Variants in DNM1 observed in about 807,000 individuals in gnomAD.
DNM1 encodes dynamin 1, also known as dynamin-1.
In DNM1, 29 loss-of-function variants were observed where a neutral mutation model predicts 104.6. The observed-to-expected ratio is 0.28, with a 90% CI of 0.21 to 0.38. The LOEUF (loss-of-function observed/expected upper bound fraction) is 0.38. Ranked by LOEUF, DNM1 falls within the 10% of genes least tolerant of loss-of-function variation. DNM1 has a pLI of 1.00. For synonymous variants in DNM1, 445 were observed against 475.8 expected (o/e 0.94, Z 0.84); for missense variants, 640 against 1,189.4 (o/e 0.54, Z 6.79).
intron 13 of DNM1, 60 bp from the exon 14 acceptor site, chr9:128,239,925 G>T: frequency 6.2e-7 from 1 of 1,609,968 alleles, no homozygotes; most frequent in Non-Finnish European, 8.5e-7. Flanking sequence ...CTCTGCCTCA[G>T]TAACCCTCTC....
chr9:128,242,982 G>A (rs1273071804), intron 15 of DNM1, among the ~76,000 whole-genome samples: 4 of 152,130 alleles, frequency 2.6e-5, no homozygotes, highest in African/African-American at 4.8e-5. Context: ...GCTGCAGGGC[G>A]TGCCGCCTCC....
rs753258177 is a variant in DNM1, at chr9:128,220,360, A to G, written c.849+19A>G. 6.2e-7 allele frequency: 1 copy of G among 1,611,748 alleles called. No individual in the cohort carries two copies. Among genetic ancestry groups the G allele is most frequent in the East Asian group, 2.2e-5 (1 of 44,868 alleles). On this transcript the variant is annotated intron_variant, in intron 6 of 21. Coordinates refer to ENST00000372923, the MANE Select transcript of DNM1 (RefSeq NM_004408.4). The surrounding 1 kb of genome is among the most constrained non-coding windows in gnomAD (Gnocchi z 5.2). ...CAATCAGGTAGGCGACCAAGCCAGG[A>G]TGGGGCCTGGGGAAACAAGCATGAA...
In DNM1 at chr9:128,250,761, C is replaced by T. The variant is rs1365585595; in HGVS notation, c.2355C>T (p.Ala785=). ...PTSSPTPQRR[A]PAVPPARPGS... ...CCAGCCCCACGCCGCAGCGCCGAGC[C>T]CCCGCCGTGCCCCCAGCCCGGCCCG... Residue 785 remains alanine, a synonymous_variant, in exon 21 of 22, where the codon GCC becomes GCT. Coordinates refer to ENST00000372923, the MANE Select transcript of DNM1 (RefSeq NM_004408.4). 7.0e-7 allele frequency: 1 copy of T among 1,418,758 alleles called. No homozygotes were observed. Among genetic ancestry groups the T allele is most frequent in the Non-Finnish European group, 9.2e-7 (1 of 1,091,506 alleles). 87.9% of individuals were successfully genotyped at this position (1,418,758 alleles called of 1,614,324 possible). A position where few individuals can be genotyped will look rare whatever the true frequency, so the allele number is the denominator to read the frequency against.
chr9:128,235,360 G>C (rs763217968), intron 11 of DNM1, among the ~76,000 whole-genome samples: 2 of 152,062 alleles, frequency 1.3e-5, no homozygotes, highest in African/African-American at 4.8e-5. Flanking sequence ...CGGACTTGGT[G>C]GTGGGCGCCT....
At chr9:128,236,743 A>G (rs916363738) in intron 11 of DNM1, among the ~76,000 whole-genome samples, 1 of 152,092 alleles carries the variant, frequency 6.6e-6, no homozygotes, top group Non-Finnish European at 1.5e-5. Context: ...TCCTAGCTAC[A>G]TGGGAGGCTG....
chr9:128,233,582 C>T (rs1477775415), intron 10 of DNM1: 1 of 168,974 alleles, frequency 5.9e-6, no homozygotes, highest in African/African-American at 2.4e-5. Flanking sequence ...AGAGGCTGTC[C>T]CCTGCCTGAT....
At position 128,247,689 on chromosome 9, in the gene DNM1, GTC is replaced by G. The variant is rs1489186600; in HGVS notation, c.1893+207_1893+208del. 6.6e-6 allele frequency among the ~76,000 whole-genome samples: 1 copy of G among 152,180 alleles called. No individual in the cohort carries two copies. The highest frequency in any genetic ancestry group is 1.5e-5 in the Non-Finnish European group (1 of 68,028). On this transcript the variant is annotated intron_variant, in intron 17 of 21. Transcript: ENST00000372923. This position sits in a 1 kb window ranked among gnomAD's most constrained non-coding sequence, Gnocchi z 5.1. Reference sequence around the variant, plus strand: ...CATCCTTCTCCAGTGGCAGTTTTGTGTCTCTGTCTCTGTTGCAGATGGCATTT... The same window carrying G: ...CATCCTTCTCCAGTGGCAGTTTTGTGTCTGTCTCTGTTGCAGATGGCATTT...
intron 1 of DNM1, among the ~76,000 whole-genome samples, chr9:128,207,794 G>A (rs1224516401): frequency 6.6e-6 from 1 of 152,158 alleles, no homozygotes; most frequent in African/African-American, 2.4e-5. Flanking sequence ...TGGAGGACGC[G>A]CTGCTTCTAT....
chr9:128,236,536 C>T (rs1238690937), intron 11 of DNM1, among the ~76,000 whole-genome samples: 2 of 152,232 alleles, frequency 1.3e-5, no homozygotes, highest in East Asian at 3.9e-4. Context: ...ACCCCTAGTT[C>T]TTCCTGAAAA....
intron 10 of DNM1, among the ~76,000 whole-genome samples, chr9:128,230,429 A>C (rs1835612305): frequency 1.4e-5 from 2 of 147,894 alleles, no homozygotes; most frequent in Non-Finnish European, 3.0e-5. Context: ...TTATTTATTT[A>C]TTTCTTTATT....
rs1225449844 is a variant in DNM1 at position 128,248,688 on chromosome 9, G to A, written c.2011G>A (p.Ala671Thr). The change falls in exon 19 of 22, where the codon GCC (alanine) becomes ACC (threonine). Residue 671 changes from alanine to threonine, a missense_variant. Coordinates refer to ENST00000372923, the MANE Select transcript of DNM1 (RefSeq NM_004408.4). This position sits in a 1 kb window ranked among gnomAD's most constrained non-coding sequence, Gnocchi z 5.6. The stretch of plus-strand genomic sequence containing the variant: ...CCGGAATCTTGTGGACTCATACATG[G>A]CCATTGTCAACAAGACCGTGAGGGA... ...TIRNLVDSYM[A>T]IVNKTVRDLM... 1.2e-6 allele frequency: 2 copies of A among 1,613,970 alleles called. No homozygotes were observed. The highest frequency in any genetic ancestry group is 1.7e-6 in the Non-Finnish European group (2 of 1,179,864).
In DNM1 at chr9:128,224,116, A is replaced by T; in HGVS notation, c.1197-135A>T. 1.8e-6 allele frequency: 2 copies of T among 1,114,950 alleles called. No homozygotes were observed. Among genetic ancestry groups the T allele is most frequent in the South Asian group, 1.9e-5 (1 of 53,746 alleles). 69.1% of individuals were successfully genotyped at this position (1,114,950 alleles called of 1,614,324 possible). A position where few individuals can be genotyped will look rare whatever the true frequency, so the allele number is the denominator to read the frequency against. ...CCTCCCTCCCATTTTACAACTGGGG[A>T]CACTGAGGCCCAGAGAGGGGTAGTG... On this transcript the variant is annotated intron_variant, in intron 9 of 21. Transcript: ENST00000372923. This position sits in a 1 kb window ranked among gnomAD's most constrained non-coding sequence, Gnocchi z 4.3.
In DNM1 at chr9:128,230,149, G is replaced by A. The variant is rs189395745; in HGVS notation, c.1336-3872G>A. Among the ~76,000 whole-genome samples the A allele has an allele frequency of 3.0e-3, 445 of 148,334 alleles. 2 individuals carry two copies. The highest frequency in any genetic ancestry group is 0.011 in the African/African-American group (425 of 40,270). ...AGAGAATTGCTTGAACCCAGGAGGC[G>A]GAGGTTGCAGTTAGCCAAGATTGAG... is the stretch of plus-strand genomic sequence containing the variant. On this transcript the variant is annotated intron_variant, in intron 10 of 21. Coordinates refer to ENST00000372923, the MANE Select transcript of DNM1 (RefSeq NM_004408.4).
In DNM1 at chr9:128,248,272, C is replaced by A; in HGVS notation, c.1906-311C>A. 2.0e-6 allele frequency: 1 copy of A among 496,912 alleles called. No individual in the cohort carries two copies. The highest frequency in any genetic ancestry group is 3.6e-6 in the Non-Finnish European group (1 of 276,080). The allele number at this position is 496,912 out of a possible 1,614,324, so 30.8% of individuals were successfully genotyped here. A position where few individuals can be genotyped will look rare whatever the true frequency, so the allele number is the denominator to read the frequency against. On this transcript the variant is annotated intron_variant, in intron 18 of 21. Coordinates refer to ENST00000372923, the MANE Select transcript of DNM1 (RefSeq NM_004408.4). The surrounding 1 kb of genome is among the most constrained non-coding windows in gnomAD (Gnocchi z 5.6). ...AACCCAGGAGGAGGTTGCAATGAGC[C>A]AATACAGCACCACTGCACTCCAGCC...
In DNM1 at chr9:128,218,470, G is replaced by T; in HGVS notation, c.236-112G>T. On this transcript the variant is annotated intron_variant, in intron 2 of 21. Coordinates refer to ENST00000372923, the MANE Select transcript of DNM1 (RefSeq NM_004408.4). This position sits in a 1 kb window ranked among gnomAD's most constrained non-coding sequence, Gnocchi z 4.8. ...ATACATAATGGAGACGTGGGTGGTG[G>T]TTCTGCTTGGGTGTGTCTAGGGGGT... is the stretch of plus-strand genomic sequence containing the variant. 7.0e-7 allele frequency: 1 copy of T among 1,428,886 alleles called. No individual in the cohort carries two copies. The allele number at this position is 1,428,886 out of a possible 1,614,324, so 88.5% of individuals were successfully genotyped here. A position where few individuals can be genotyped will look rare whatever the true frequency, so the allele number is the denominator to read the frequency against.
chr9:128,223,195 C>T (rs1450390546), intron 9 of DNM1: 4 of 329,640 alleles, frequency 1.2e-5, no homozygotes, highest in South Asian at 6.6e-5. Context: ...CAAACCACTA[C>T]GAGGGCCTGG....
chr9:128,255,015 C>G lies in DNM1; in HGVS notation c.*301C>G. On this transcript the variant is annotated 3_prime_UTR_variant, in exon 22 of 22. Transcript: ENST00000372923. ...AGTCACTGTGCTATCCTTGTGGAGT[C>G]TTGTGGCCCAACTACCAGAGAACGC... 3.9e-6 allele frequency: 1 copy of G among 258,074 alleles called. No homozygotes were observed. Among genetic ancestry groups the G allele is most frequent in the Non-Finnish European group, 7.3e-6 (1 of 136,730 alleles). The allele number at this position is 258,074 out of a possible 1,614,324, so 16.0% of individuals were successfully genotyped here. A position where few individuals can be genotyped will look rare whatever the true frequency, so the allele number is the denominator to read the frequency against.
intron 11 of DNM1, among the ~76,000 whole-genome samples, chr9:128,235,467 C>G (rs550400253): frequency 1.3e-4 from 20 of 151,412 alleles, no homozygotes; most frequent in African/African-American, 4.6e-4. Flanking sequence ...GCACTCCAGC[C>G]TGGGCAACAG....
chr9:128,217,266 T>C (rs1834667455), intron 1 of DNM1, among the ~76,000 whole-genome samples: 2 of 152,194 alleles, frequency 1.3e-5, no homozygotes, highest in Admixed American at 1.3e-4. Context: ...CTCTGCCAGA[T>C]ACTGGCTGTG....
Sources: allele counts gnomAD v4.1 joint callset (sites outside exome capture counted in the v4.1 genomes callset), GRCh38; gene constraint gnomAD v4.1.1; non-coding constraint Gnocchi (gnomAD v3.1); transcripts MANE v1.5; gene names NCBI Gene and HGNC (gene_info 2026-07-23, HGNC 2026-07-21).